Variants in C2CD3 observed in about 807,000 individuals in gnomAD.
C2CD3 encodes C2 domain containing 3 centriole elongation regulator.
C2CD3 carries 148 observed loss-of-function variants against 234.0 expected under a neutral mutation model. The ratio of observed to expected loss-of-function variants is 0.63; its 90% CI spans 0.55 to 0.72. The LOEUF (loss-of-function observed/expected upper bound fraction) is 0.72, where lower values mean the gene tolerates loss of function less well. C2CD3 is among the 30% of genes least tolerant of loss of function. C2CD3 has a pLI of 0.00. For missense variants in C2CD3, 2,577 were observed against 2,811.5 expected (o/e 0.92, Z 1.89); for synonymous variants, 1,000 against 1,035.4 (o/e 0.97, Z 0.66).
In C2CD3 at chr11:74,090,913, A is replaced by G. The variant is rs1413990942; in HGVS notation, c.3541T>C (p.Tyr1181His). 1.2e-6 allele frequency: 2 copies of G among 1,613,924 alleles called. No individual in the cohort carries two copies. Among genetic ancestry groups the G allele is most frequent in the Non-Finnish European group, 1.7e-6 (2 of 1,179,954 alleles). Residue 1181 changes from tyrosine (Y) to histidine (H), a missense_variant, in exon 20 of 33, where the codon TAC becomes CAC. By Grantham distance (83) the Tyr-to-His change is moderately conservative. Coordinates refer to ENST00000334126, the MANE Select transcript of C2CD3 (RefSeq NM_001286577.2). ...TCTGCTGTTCTTGGACTACGCCTGT[A>G]CCTTAGGCCCACATCCAGTAAACCT... ...SSGLLDVGLR[Y>H]RRSPRTAEGV...
chr11:74,170,935 TC>T lies in C2CD3; in HGVS notation c.-144del. ...CTGGGAGGCAGGAAAAAGCGACTCTTCCTCTAACAGTCTCCGGAAAACGGTG... is the reference window on the plus strand; with the variant it reads ...CTGGGAGGCAGGAAAAAGCGACTCTTCTCTAACAGTCTCCGGAAAACGGTG... On this transcript the variant is annotated 5_prime_UTR_variant, in exon 1 of 33. Transcript: ENST00000334126. 2.6e-6 allele frequency: 4 copies of T among 1,511,454 alleles called. No individual in the cohort carries two copies. The highest frequency in any genetic ancestry group is 4.6e-4 in the Middle Eastern group (2 of 4,350). The allele number at this position is 1,511,454 out of a possible 1,614,324, so 93.6% of individuals were successfully genotyped here.
Position 74,085,856 on chromosome 11 carries a change from C to T in C2CD3, c.3672G>A (p.Gln1224=), listed in dbSNP as rs1955620309. The change falls in exon 21 of 33, where the codon CAG becomes CAA. Residue 1224 remains glutamine (Q), a synonymous_variant. Coordinates refer to ENST00000334126, the MANE Select transcript of C2CD3 (RefSeq NM_001286577.2). ...CATTGACCCCGACTGTGGCACTAAA[C>T]TGTAGAGCGGGTTCCCGTTCAGCCA... ...KALAEREPAL[Q]FSATVGVNAS... 1.2e-6 allele frequency: 2 copies of T among 1,613,748 alleles called. No homozygotes were observed. The highest frequency in any genetic ancestry group is 1.7e-5 in the Admixed American group (1 of 59,984).
intron 15 of C2CD3, among the ~76,000 whole-genome samples, 197 bp downstream of exon 15, chr11:74,100,328 A>G (rs1012798620): frequency 3.9e-5 from 6 of 152,252 alleles, no homozygotes; most frequent in African/African-American, 1.2e-4. Context: ...GGTTTTTAGC[A>G]TAGTGCCTGA....
At chr11:74,128,972 G>T (rs1057391709) in intron 7 of C2CD3, 2 of 279,002 alleles carry the variant, frequency 7.2e-6, no homozygotes, top group Admixed American at 4.8e-5. Context: ...GCAACCATCC[G>T]ATTTCTCAAT....
At position 74,054,689 on chromosome 11, in the gene C2CD3, C is replaced by A. The variant is rs1281372703; in HGVS notation, c.5091-18G>T. ...TTGATAGCCTATTAAGAAAAACAAC[C>A]ACTGTAAACTAAATGTATAGGAACT... On this transcript the variant is annotated intron_variant, in intron 25 of 32. Transcript: ENST00000334126. 10 of 1,571,456 alleles carry A rather than the reference C, an allele frequency of 6.4e-6. No homozygotes were observed. The highest frequency in any genetic ancestry group is 1.4e-5 in the African/African-American group (1 of 73,702).
rs144824790 is a variant in C2CD3, at chr11:74,065,808, C to G, written c.4952-8264G>C. ...AACCATCATTCTCAGCAAACTATCC[C>G]AAGAACAAAAAAACCAAACACCGCA... On this transcript the variant is annotated intron_variant, in intron 24 of 32. Transcript: ENST00000334126. 7.3e-4 allele frequency among the ~76,000 whole-genome samples: 108 copies of G among 148,880 alleles called. 1 individual carries two copies. In the East Asian group the frequency reaches 0.018, roughly 25 times the overall value.
rs767549223 is a variant in C2CD3, at chr11:74,129,822, C to T, written c.1217+3022G>A. The T allele has an allele frequency of 4.5e-3, 850 of 189,432 alleles. 7 individuals carry two copies. Among genetic ancestry groups the T allele is most frequent in the Middle Eastern group, 0.027 (12 of 452 alleles). 11.7% of individuals were successfully genotyped at this position (189,432 alleles called of 1,614,324 possible). A position where few individuals can be genotyped will look rare whatever the true frequency, so the allele number is the denominator to read the frequency against. ...GTGAACGAGACTCCGTCTGCAATCC[C>T]GGCACCTCGTGAGGCCGAGGCTGGC... is the stretch of plus-strand genomic sequence containing the variant. On this transcript the variant is annotated intron_variant, in intron 7 of 32. Coordinates refer to ENST00000334126, the MANE Select transcript of C2CD3 (RefSeq NM_001286577.2).
At chr11:74,063,283 C>T (rs1008707301) in intron 24 of C2CD3, among the ~76,000 whole-genome samples, 1 of 152,174 alleles carries the variant, frequency 6.6e-6, no homozygotes, top group African/African-American at 2.4e-5. Flanking sequence ...TTTTATGAGG[C>T]CAACATCATA....
Position 74,166,798 on chromosome 11 carries a change from G to C in C2CD3, c.325+1546C>G, listed in dbSNP as rs1410826826. Among the ~76,000 whole-genome samples the C allele has an allele frequency of 2.0e-5, 3 of 152,094 alleles. No homozygotes were observed. In the East Asian group the frequency reaches 5.8e-4, roughly 29 times the overall value. ...GAGTCTTAATATTTTTATAAGACTT[G>C]TACCTACAATGTGTCAGCTACTAGA... On this transcript the variant is annotated intron_variant, in intron 2 of 32. Transcript: ENST00000334126.
rs777025781 is a variant in C2CD3 at position 74,109,112 on chromosome 11, A to C, written c.1884T>G (p.Phe628Leu). 1 of 1,600,056 alleles carries C rather than the reference A, an allele frequency of 6.2e-7. No individual in the cohort carries two copies. The highest frequency in any genetic ancestry group is 1.1e-5 in the South Asian group (1 of 89,270). Residue 628 changes from phenylalanine (F) to leucine (L), a missense_variant, in exon 12 of 33, where the codon TTT becomes TTG. Coordinates refer to ENST00000334126, the MANE Select transcript of C2CD3 (RefSeq NM_001286577.2). ...FQQRFVFPVQFGGPMIEHWWN... is the reference protein window; with the variant it reads ...FQQRFVFPVQLGGPMIEHWWN... Reference sequence around the variant, plus strand: ...ACCAGTGCTCTATCATTGGGCCACCAAACTGTACTGGAAACACAAATCGCT... The same window carrying C: ...ACCAGTGCTCTATCATTGGGCCACCCAACTGTACTGGAAACACAAATCGCT...
At chr11:74,130,027 A>C (rs1428724080) in intron 7 of C2CD3, 1 of 148,194 alleles carries the variant, frequency 6.7e-6, no homozygotes, top group African/African-American at 2.5e-5. Flanking sequence ...GCAGCAGTAC[A>C]GTCCAGCTTC....
chr11:74,059,320 A>G (rs1193710741), intron 24 of C2CD3, among the ~76,000 whole-genome samples: 6 of 145,480 alleles, frequency 4.1e-5, no homozygotes, highest in Non-Finnish European at 9.0e-5. Context: ...CTGAGGCAGG[A>G]GAATGGCGTG....
Position 74,095,322 on chromosome 11 carries a change from T to C in C2CD3, c.3066A>G (p.Thr1022=). The part of the protein sequence containing the change: ...MVKGLAPLQA[T]VWGEADCYVQ... ...CATAACAATCTGCTTCTCCCCAGAC[T>C]GTTGCCTGAAGAGGGGCTAGCCCTT... Residue 1022 remains threonine (T), a synonymous_variant, in exon 17 of 33, where the codon ACA becomes ACG. Transcript: ENST00000334126. 1 of 1,613,872 alleles carries C rather than the reference T, an allele frequency of 6.2e-7. No homozygotes were observed. The highest frequency in any genetic ancestry group is 8.5e-7 in the Non-Finnish European group (1 of 1,179,772).
At chr11:74,138,349 A>AC (rs1224703167) in intron 5 of C2CD3, among the ~76,000 whole-genome samples, 2 of 152,204 alleles carry the variant, frequency 1.3e-5, no homozygotes, top group Non-Finnish European at 2.9e-5. Context: ...TGGATTTTGT[A>AC]CTAGTCTCCA....
chr11:74,124,489 A>G (rs1957335346), intron 7 of C2CD3, among the ~76,000 whole-genome samples: 1 of 152,122 alleles, frequency 6.6e-6, no homozygotes, highest in Non-Finnish European at 1.5e-5. Flanking sequence ...TCCACTTACC[A>G]GATGCCAGTA....
At position 74,057,452 on chromosome 11, in the gene C2CD3, C is replaced by A. The variant is rs1192902418; in HGVS notation, c.5044G>T (p.Val1682Phe). The A allele has an allele frequency of 6.2e-7, 1 of 1,614,116 alleles. No homozygotes were observed. The highest frequency in any genetic ancestry group is 8.5e-7 in the Non-Finnish European group (1 of 1,179,964). The change falls in exon 25 of 33, where the codon GTT becomes TTT. Residue 1682 changes from valine (V) to phenylalanine (F), a missense_variant. Coordinates refer to ENST00000334126, the MANE Select transcript of C2CD3 (RefSeq NM_001286577.2). ...DESSPVYTQV[V>F]ENTDSPIWNF... ...CAGATGGGGGAATCTGTGTTTTCAA[C>A]CACTTGGGTGTATACAGGAGATGAC... is the stretch of plus-strand genomic sequence containing the variant.
chr11:74,124,698 C>G (rs1046784384), intron 7 of C2CD3, among the ~76,000 whole-genome samples: 14 of 152,162 alleles, frequency 9.2e-5, no homozygotes, highest in African/African-American at 3.1e-4. Context: ...TTCTGCAGCC[C>G]AGGAGTTTGA....
Position 74,033,615 on chromosome 11 carries a change from C to T in C2CD3, c.6545G>A (p.Gly2182Glu). 6.5e-7 allele frequency: 1 copy of T among 1,536,128 alleles called. No individual in the cohort carries two copies. Residue 2182 changes from glycine (G) to glutamate (E), a missense_variant, in exon 31 of 33, where the codon GGA (glycine) becomes GAA (glutamate). Coordinates refer to ENST00000334126, the MANE Select transcript of C2CD3 (RefSeq NM_001286577.2). ...PQPIPCPTLS[G>E]AQQSSTFVGW... is the part of the protein sequence containing the mutation. ...AACAAACGTGCTGCTCTGTTGAGCT[C>T]CTGAGAGTGTTGGGCATGGGATGGG...
At chr11:74,107,214 A>T (rs965764523) in intron 12 of C2CD3, among the ~76,000 whole-genome samples, 2 of 151,982 alleles carry the variant, frequency 1.3e-5, no homozygotes, top group Non-Finnish European at 2.9e-5. Context: ...AATCCCAGCT[A>T]CTCAGGAGGC....
Sources: allele counts gnomAD v4.1 joint callset (sites outside exome capture counted in the v4.1 genomes callset), GRCh38; gene constraint gnomAD v4.1.1; transcripts MANE v1.5; gene names NCBI Gene and HGNC (gene_info 2026-07-23, HGNC 2026-07-21).